Variants in SMAD9 observed in about 807,000 individuals in gnomAD.
SMAD9 encodes SMAD family member 9, also known as MAD homolog 9.
SMAD9 carries 36 observed loss-of-function variants against 46.1 expected under a neutral mutation model. That is an observed-to-expected ratio of 0.78 (90% CI 0.60 to 1.03). SMAD9 has a LOEUF of 1.03. SMAD9 is among the 50% of genes least tolerant of loss of function. The pLI is 0.00. For missense variants in SMAD9, 572 were observed against 599.8 expected (o/e 0.95, Z 0.48); for synonymous variants, 245 against 237.1 (o/e 1.03, Z -0.31).
chr13:36,901,827 C>CT (rs1423154581), intron 1 of SMAD9, among the ~76,000 whole-genome samples: 1 of 152,212 alleles, frequency 6.6e-6, no homozygotes, highest in Non-Finnish European at 1.5e-5. Flanking sequence ...ATTCAAGTCC[C>CT]TTGCCCACTT....
Position 36,848,708 on chromosome 13 carries a change from A to G in SMAD9, c.1372T>C (p.Ser458Pro). The G allele has an allele frequency of 6.2e-7, 1 of 1,614,172 alleles. No homozygotes were observed. Among genetic ancestry groups the G allele is most frequent in the Non-Finnish European group, 8.5e-7 (1 of 1,179,994 alleles). ...ACTGAAGAAATGGGGTTATGTGGAG[A>G]GCCCATCTGAGTCAGAACTTTGTCC... ...WLDKVLTQMG[S>P]PHNPISSVS The change falls in exon 7 of 7, where the codon TCT becomes CCT. Residue 458 changes from serine (S) to proline (P), a missense_variant. Transcript: ENST00000379826.
intron 4 of SMAD9, among the ~76,000 whole-genome samples, chr13:36,866,472 C>T (rs1190023084): frequency 3.3e-5 from 5 of 152,088 alleles, no homozygotes; most frequent in Non-Finnish European, 7.3e-5. Context: ...TCTTTCTTTG[C>T]CACTCACACC....
At chr13:36,920,308 G>GCCCGCCCCCGCCCCCGCCCCCGCC (rs540930729), upstream of SMAD9, 360 of 148,288 alleles carry the variant, frequency 2.4e-3, no homozygotes, top group Middle Eastern at 3.4e-3. Context: ...CCTGCTTGCG[G>GCCCGCCCCCGCCCCCGCCCCCGCC]CCCGCCCCCG....
chr13:36,908,993 A>G (rs549421435), intron 1 of SMAD9, among the ~76,000 whole-genome samples: 18 of 152,358 alleles, frequency 1.2e-4, no homozygotes, highest in South Asian at 6.2e-4. Flanking sequence ...ATACTTAATA[A>G]GCCACTTGGG....
In SMAD9 at chr13:36,847,363, G is replaced by A. The variant is rs750622515; in HGVS notation, c.*1313C>T. The A allele has an allele frequency of 6.6e-6, 1 of 152,178 alleles. No individual in the cohort carries two copies. The highest frequency in any genetic ancestry group is 2.4e-5 in the African/African-American group (1 of 41,448). The allele number at this position is 152,178 out of a possible 1,614,324, so 9.4% of individuals were successfully genotyped here. A position where few individuals can be genotyped will look rare whatever the true frequency, so the allele number is the denominator to read the frequency against. The stretch of plus-strand genomic sequence containing the variant: ...ATTTTTCCAAGCAATGCAGTGTTTA[G>A]TGCATGGCAAGTATATATATGAAAG... On this transcript the variant is annotated 3_prime_UTR_variant, in exon 7 of 7. Transcript: ENST00000379826.
intron 1 of SMAD9, among the ~76,000 whole-genome samples, chr13:36,910,720 C>G (rs1349398190): frequency 1.3e-5 from 2 of 152,162 alleles, no homozygotes; most frequent in African/African-American, 4.8e-5. Flanking sequence ...TCCTGGAAAC[C>G]TTCCCTGGAG....
intron 1 of SMAD9, among the ~76,000 whole-genome samples, chr13:36,899,826 G>T (rs2058559212): frequency 6.6e-6 from 1 of 152,194 alleles, no homozygotes; most frequent in Non-Finnish European, 1.5e-5. Context: ...AATTATTAAA[G>T]TAGCCTTCTA....
At chr13:36,893,080 G>A (rs1165674890) in intron 1 of SMAD9, among the ~76,000 whole-genome samples, 2 of 152,096 alleles carry the variant, frequency 1.3e-5, no homozygotes, top group African/African-American at 4.8e-5. Context: ...AAGAACTGTG[G>A]AAATAATTTG....
intron 4 of SMAD9, among the ~76,000 whole-genome samples, chr13:36,866,967 T>C (rs374767321): frequency 2.4e-4 from 36 of 152,250 alleles, no homozygotes; most frequent in Middle Eastern, 3.4e-3. Flanking sequence ...AAAACACAAA[T>C]AGAATAAAAT....
chr13:36,899,488 AG>A (rs2058556010), intron 1 of SMAD9, among the ~76,000 whole-genome samples: 1 of 152,240 alleles, frequency 6.6e-6, no homozygotes, highest in Admixed American at 6.5e-5. Context: ...TCAATAAAGT[AG>A]GAAGAGTCCA....
At position 36,865,660 on chromosome 13, in the gene SMAD9, G is replaced by A. The variant is rs397514716; in HGVS notation, c.880C>T (p.Arg294Ter). 47 of 1,613,936 alleles carry A rather than the reference G, an allele frequency of 2.9e-5. No homozygotes were observed. Among genetic ancestry groups the A allele is most frequent in the Non-Finnish European group, 3.7e-5 (44 of 1,179,980 alleles). The change falls in exon 5 of 7, where the codon CGA becomes TGA. Residue 294 changes from arginine to a stop codon, truncating the protein, a stop_gained. Transcript: ENST00000379826. LOFTEE classifies it high-confidence loss of function. ...GTGAACCCATCTATGAGCACACTTCGGGAGGAAGCCTGGAATGTCTCCCCA... is the reference window on the plus strand; with the variant it reads ...GTGAACCCATCTATGAGCACACTTCAGGAGGAAGCCTGGAATGTCTCCCCA... Reference protein sequence around the residue: ...RVGETFQASSRSVLIDGFTDP... With the variant: ...RVGETFQASS
At chr13:36,900,024 G>T (rs2138627190) in intron 1 of SMAD9, among the ~76,000 whole-genome samples, 1 of 152,218 alleles carries the variant, frequency 6.6e-6, no homozygotes, top group Non-Finnish European at 1.5e-5. Context: ...CAGTACTGGT[G>T]GCATATTAGA....
intron 1 of SMAD9, among the ~76,000 whole-genome samples, chr13:36,884,964 A>G (rs547889854): frequency 6.6e-6 from 1 of 152,346 alleles, no homozygotes; most frequent in African/African-American, 2.4e-5. Context: ...CCTAGTCCAG[A>G]AACAATCACC....
intron 1 of SMAD9, among the ~76,000 whole-genome samples, chr13:36,908,096 G>A (rs2058632861): frequency 6.6e-6 from 1 of 152,188 alleles, no homozygotes; most frequent in African/African-American, 2.4e-5. Context: ...TTTCTCTGAT[G>A]GTGGTGGTTT....
intron 6 of SMAD9, chr13:36,851,901 T>C: frequency 1.0e-6 from 1 of 968,384 alleles, no homozygotes; most frequent in East Asian, 1.1e-4. Context: ...AAGCTTATAT[T>C]TAATCAGAGT....
chr13:36,919,947 C>T (rs987716746), intron 1 of SMAD9, among the ~76,000 whole-genome samples, 169 bp downstream of exon 1: 2 of 151,560 alleles, frequency 1.3e-5, no homozygotes, highest in Non-Finnish European at 3.0e-5. Context: ...CAACTTCGCC[C>T]TCCACTCAAT....
chr13:36,884,734 C>G (rs896606593), intron 1 of SMAD9, among the ~76,000 whole-genome samples: 2 of 152,166 alleles, frequency 1.3e-5, no homozygotes, highest in African/African-American at 4.8e-5. Flanking sequence ...CAGTTGGTCT[C>G]CTTGGAAGGT....
intron 1 of SMAD9, among the ~76,000 whole-genome samples, chr13:36,905,807 A>AC (rs2058615386): frequency 9.2e-5 from 10 of 108,574 alleles, no homozygotes; most frequent in Non-Finnish European, 3.8e-5. Context: ...AAAAAAAAAA[A>AC]AAAAAAAACT....
Position 36,879,856 on chromosome 13 carries a change from C to T in SMAD9, c.-167G>A, listed in dbSNP as rs1190339832. ...AAGTGTGTTGACTTTCTCCTAAGCCCTTGAACAGGGTGGCCAACTCTGGAA... is the reference window on the plus strand; with the variant it reads ...AAGTGTGTTGACTTTCTCCTAAGCCTTTGAACAGGGTGGCCAACTCTGGAA... On this transcript the variant is annotated 5_prime_UTR_variant, in exon 2 of 7. Coordinates refer to ENST00000379826, the MANE Select transcript of SMAD9 (RefSeq NM_001127217.3). 1.5e-6 allele frequency: 1 copy of T among 682,860 alleles called. No individual in the cohort carries two copies. The highest frequency in any genetic ancestry group is 2.5e-6 in the Non-Finnish European group (1 of 403,220). The allele number at this position is 682,860 out of a possible 1,614,324, so 42.3% of individuals were successfully genotyped here. A position where few individuals can be genotyped will look rare whatever the true frequency, so the allele number is the denominator to read the frequency against.
Sources: allele counts gnomAD v4.1 joint callset (sites outside exome capture counted in the v4.1 genomes callset), GRCh38; gene constraint gnomAD v4.1.1; transcripts MANE v1.5; gene names NCBI Gene and HGNC (gene_info 2026-07-23, HGNC 2026-07-21).